Variants in AGPAT4 observed in about 807,000 individuals in gnomAD.
The protein encoded by AGPAT4 is 1-acyl-sn-glycerol-3-phosphate acyltransferase delta.
AGPAT4 carries 15 observed loss-of-function variants against 48.0 expected under a neutral mutation model. The ratio of observed to expected loss-of-function variants is 0.31; its 90% confidence interval spans 0.21 to 0.48. AGPAT4 has a LOEUF of 0.48. Ranked by LOEUF, AGPAT4 falls within the 20% of genes least tolerant of loss-of-function variation. The probability of loss-of-function intolerance (pLI) is 0.99; values close to 1 mark genes in which losing one functional copy is unlikely to be tolerated. For synonymous variants in AGPAT4, 178 were observed against 198.7 expected (o/e 0.90, Z 0.88); for missense variants, 314 against 482.5 (o/e 0.65, Z 3.27).
In AGPAT4 at chr6:161,242,925, G is replaced by A. The variant is rs748421872; in HGVS notation, c.-89-10623C>T. ...TCTACTAAGAACACAAAAATTAGCC[G>A]GGCGTGGTGGCACGTGCCTCCCAGC... On this transcript the variant is annotated intron_variant, in intron 1 of 8. Transcript: ENST00000320285. This position sits in a 1 kb window ranked among gnomAD's most constrained non-coding sequence, Gnocchi z 5.0. Among the ~76,000 whole-genome samples, 61 of 152,118 alleles carry A rather than the reference G, an allele frequency of 4.0e-4. No homozygotes were observed. Among genetic ancestry groups the A allele is most frequent in the Admixed American group, 6.5e-4 (10 of 15,274 alleles).
chr6:161,268,050 C>T (rs1783315957), intron 1 of AGPAT4, among the ~76,000 whole-genome samples: 1 of 152,204 alleles, frequency 6.6e-6, no homozygotes, highest in African/African-American at 2.4e-5. Context: ...CTCAGCTCTG[C>T]TCCTTCTTAT....
Position 161,264,423 on chromosome 6 carries a change from A to T in AGPAT4, c.-90+9515T>A, listed in dbSNP as rs1783187584. Among the ~76,000 whole-genome samples the T allele has an allele frequency of 6.6e-6, 1 of 151,916 alleles. No individual in the cohort carries two copies. Among genetic ancestry groups the T allele is most frequent in the African/African-American group, 2.4e-5 (1 of 41,338 alleles). ...CTGGCCCACTCCTCTGGTCTCTGGC[A>T]CTCCGTGAGAAGCGTGCACACTGGG... On this transcript the variant is annotated intron_variant, in intron 1 of 8. Transcript: ENST00000320285. This position sits in a 1 kb window ranked among gnomAD's most constrained non-coding sequence, Gnocchi z 6.8.
At position 161,158,980 on chromosome 6, in the gene AGPAT4, C is replaced by CA. The variant is rs1370915599; in HGVS notation, c.349-4671dup. 6.6e-6 allele frequency among the ~76,000 whole-genome samples: 1 copy of CA among 152,182 alleles called. No individual in the cohort carries two copies. The highest frequency in any genetic ancestry group is 2.4e-5 in the African/African-American group (1 of 41,446). On this transcript the variant is annotated intron_variant, in intron 3 of 8. Coordinates refer to ENST00000320285, the MANE Select transcript of AGPAT4 (RefSeq NM_020133.3). The surrounding 1 kb of genome is among the most constrained non-coding windows in gnomAD (Gnocchi z 5.3). ...TTTCCCAGTAGGGTTACCAGTTAGT[C>CA]AAGTGAGCCAAGGTCATTTATTTCT... is the stretch of plus-strand genomic sequence containing the variant.
chr6:161,262,479 T>A lies in AGPAT4; in HGVS notation c.-90+11459A>T, dbSNP rs1263737993. 6.6e-6 allele frequency among the ~76,000 whole-genome samples: 1 copy of A among 152,114 alleles called. No homozygotes were observed. Among genetic ancestry groups the A allele is most frequent in the Admixed American group, 6.5e-5 (1 of 15,276 alleles). The stretch of plus-strand genomic sequence containing the variant: ...GCTCTATACTAGCTCATTCCTTTTT[T>A]TTTTCCCCCTCCTCATTATTCTCTC... On this transcript the variant is annotated intron_variant, in intron 1 of 8. Transcript: ENST00000320285. This position sits in a 1 kb window ranked among gnomAD's most constrained non-coding sequence, Gnocchi z 4.9.
At chr6:161,192,428 G>C (rs1315953616) in intron 2 of AGPAT4, among the ~76,000 whole-genome samples, 2 of 152,154 alleles carry the variant, frequency 1.3e-5, no homozygotes, top group East Asian at 3.9e-4. Context: ...TGGGATTACA[G>C]GGGTGAGCCA....
Position 161,135,384 on chromosome 6 carries a change from A to G in AGPAT4, c.*1156T>C, listed in dbSNP as rs1418022199. On this transcript the variant is annotated 3_prime_UTR_variant, in exon 9 of 9. Coordinates refer to ENST00000320285, the MANE Select transcript of AGPAT4 (RefSeq NM_020133.3). ...TGCTTTTAGTTTCTTCTTCTTTTGC[A>G]TTTTTGGCACCTGTTGGCTGACAGC... The G allele has an allele frequency of 6.6e-6, 1 of 152,166 alleles. No homozygotes were observed. The highest frequency in any genetic ancestry group is 1.5e-5 in the Non-Finnish European group (1 of 68,038). The allele number at this position is 152,166 out of a possible 1,614,324, so 9.4% of individuals were successfully genotyped here.
rs746084394 is a variant in AGPAT4, at chr6:161,139,382, G to A, written c.1042+40C>T. ...GCCCTGATGCCACCTCTCCCAGGGT[G>A]GTGCTGTCAGCACCCACCAGCCCCT... On this transcript the variant is annotated intron_variant, in intron 8 of 8. Transcript: ENST00000320285. The surrounding 1 kb of genome is among the most constrained non-coding windows in gnomAD (Gnocchi z 9.1). The A allele has an allele frequency of 1.2e-6, 2 of 1,604,128 alleles. No homozygotes were observed. The highest frequency in any genetic ancestry group is 2.2e-5 in the South Asian group (2 of 90,544).
chr6:161,194,040 T>C (rs1780996134), intron 2 of AGPAT4, among the ~76,000 whole-genome samples: 1 of 152,194 alleles, frequency 6.6e-6, no homozygotes, highest in Admixed American at 6.5e-5. Context: ...GTCCACTCCA[T>C]TAGCCACCAG....
intron 1 of AGPAT4, among the ~76,000 whole-genome samples, chr6:161,248,035 A>G (rs2115050039): frequency 6.6e-6 from 1 of 151,596 alleles, no homozygotes; most frequent in South Asian, 2.1e-4. Flanking sequence ...TAGGCAAGAG[A>G]AAGAAATAAA....
At position 161,229,043 on chromosome 6, in the gene AGPAT4, T is replaced by C. The variant is rs1170240245; in HGVS notation, c.178+2993A>G. ...TTACTGCTTGTTTTGTCTCTATTTGTCTTTTGTATCAGCATGGCCTTTTGC... is the reference window on the plus strand; with the variant it reads ...TTACTGCTTGTTTTGTCTCTATTTGCCTTTTGTATCAGCATGGCCTTTTGC... On this transcript the variant is annotated intron_variant, in intron 2 of 8. Coordinates refer to ENST00000320285, the MANE Select transcript of AGPAT4 (RefSeq NM_020133.3). This position sits in a 1 kb window ranked among gnomAD's most constrained non-coding sequence, Gnocchi z 6.0. 1.3e-5 allele frequency among the ~76,000 whole-genome samples: 2 copies of C among 151,992 alleles called. No homozygotes were observed. The highest frequency in any genetic ancestry group is 4.8e-5 in the African/African-American group (2 of 41,382).
At chr6:161,247,919 T>C (rs1373439576) in intron 1 of AGPAT4, among the ~76,000 whole-genome samples, 1 of 142,480 alleles carries the variant, frequency 7.0e-6, no homozygotes, top group Non-Finnish European at 1.5e-5. Context: ...GAGGCGGAGG[T>C]TGCAGAGAGC....
In AGPAT4 at chr6:161,200,355, G is replaced by A. The variant is rs13220357; in HGVS notation, c.178+31681C>T. ...TGTGCCAGGTACTATAGGAAGGGAT[G>A]CACAGTAAATGATGGAGTGCGCTGT... On this transcript the variant is annotated intron_variant, in intron 2 of 8. Coordinates refer to ENST00000320285, the MANE Select transcript of AGPAT4 (RefSeq NM_020133.3). The surrounding 1 kb of genome is among the most constrained non-coding windows in gnomAD (Gnocchi z 5.5). Among the ~76,000 whole-genome samples, 12,459 of 152,264 alleles carry A rather than the reference G, an allele frequency of 0.082. 557 individuals carry two copies. The highest frequency in any genetic ancestry group is 0.098 in the African/African-American group (4,079 of 41,540).
Position 161,146,730 on chromosome 6 carries a change from G to C in AGPAT4, c.768-131C>G, listed in dbSNP as rs1479816629. 5.1e-6 allele frequency: 4 copies of C among 781,392 alleles called. No homozygotes were observed. Among genetic ancestry groups the C allele is most frequent in the East Asian group, 2.6e-5 (1 of 38,706 alleles). The allele number at this position is 781,392 out of a possible 1,614,324, so 48.4% of individuals were successfully genotyped here. ...ATAATGTGGAACTGAAGAGAGTAAT[G>C]CAAGTGATAGAAAGAAGGGGCGTTC... On this transcript the variant is annotated intron_variant, in intron 6 of 8. Coordinates refer to ENST00000320285, the MANE Select transcript of AGPAT4 (RefSeq NM_020133.3). The surrounding 1 kb of genome is among the most constrained non-coding windows in gnomAD (Gnocchi z 7.1).
chr6:161,161,415 A>G lies in AGPAT4; in HGVS notation c.348+4833T>C, dbSNP rs1266427590. Reference sequence around the variant, plus strand: ...TCCATGTGATTCCAGATCCCAGCACACTTGCCAAACCCAGTGAATGGTAAG... The same window carrying G: ...TCCATGTGATTCCAGATCCCAGCACGCTTGCCAAACCCAGTGAATGGTAAG... On this transcript the variant is annotated intron_variant, in intron 3 of 8. Coordinates refer to ENST00000320285, the MANE Select transcript of AGPAT4 (RefSeq NM_020133.3). This position sits in a 1 kb window ranked among gnomAD's most constrained non-coding sequence, Gnocchi z 4.6. The G allele has an allele frequency of 2.2e-6, 1 of 456,668 alleles. No homozygotes were observed. Among genetic ancestry groups the G allele is most frequent in the Admixed American group, 2.3e-5 (1 of 42,576 alleles). 28.3% of individuals were successfully genotyped at this position (456,668 alleles called of 1,614,324 possible). A position where few individuals can be genotyped will look rare whatever the true frequency, so the allele number is the denominator to read the frequency against.
Position 161,198,126 on chromosome 6 carries a change from C to T in AGPAT4, c.179-31709G>A, listed in dbSNP as rs1041009770. ...AAAGAACACATGTCTATTGTACTAA[C>T]TAATATGCTTATTGATGAGTTTTGT... On this transcript the variant is annotated intron_variant, in intron 2 of 8. Transcript: ENST00000320285. This position sits in a 1 kb window ranked among gnomAD's most constrained non-coding sequence, Gnocchi z 4.3. Among the ~76,000 whole-genome samples, 2 of 152,130 alleles carry T rather than the reference C, an allele frequency of 1.3e-5. No individual in the cohort carries two copies. Among genetic ancestry groups the T allele is most frequent in the Non-Finnish European group, 2.9e-5 (2 of 68,030 alleles).
rs779738330 is a variant in AGPAT4 at position 161,169,519 on chromosome 6, T to G, written c.179-3102A>C. 2.0e-5 allele frequency among the ~76,000 whole-genome samples: 3 copies of G among 152,130 alleles called. No individual in the cohort carries two copies. Among genetic ancestry groups the G allele is most frequent in the Admixed American group, 6.6e-5 (1 of 15,266 alleles). ...TGTCACTCTGTCATCCAGGCTGGAG[T>G]GCAGTGGCCCAATCATACATAGCTC... On this transcript the variant is annotated intron_variant, in intron 2 of 8. Transcript: ENST00000320285. This position sits in a 1 kb window ranked among gnomAD's most constrained non-coding sequence, Gnocchi z 5.0.
In AGPAT4 at chr6:161,166,449, T is replaced by C. The variant is rs779783604; in HGVS notation, c.179-32A>G. ...CAAACCACAACAGACAGATGTTTACTACATGCAGCCTTGTCCTGGGAGCCC... is the reference window on the plus strand; with the variant it reads ...CAAACCACAACAGACAGATGTTTACCACATGCAGCCTTGTCCTGGGAGCCC... On this transcript the variant is annotated intron_variant, in intron 2 of 8. Coordinates refer to ENST00000320285, the MANE Select transcript of AGPAT4 (RefSeq NM_020133.3). The surrounding 1 kb of genome is among the most constrained non-coding windows in gnomAD (Gnocchi z 6.7). 3.2e-6 allele frequency: 5 copies of C among 1,570,540 alleles called. No homozygotes were observed. Among genetic ancestry groups the C allele is most frequent in the Non-Finnish European group, 4.3e-6 (5 of 1,157,138 alleles).
At position 161,212,749 on chromosome 6, in the gene AGPAT4, G is replaced by C. The variant is rs1367413373; in HGVS notation, c.178+19287C>G. Among the ~76,000 whole-genome samples the C allele has an allele frequency of 1.3e-5, 2 of 152,120 alleles. No homozygotes were observed. Among genetic ancestry groups the C allele is most frequent in the Non-Finnish European group, 2.9e-5 (2 of 68,026 alleles). On this transcript the variant is annotated intron_variant, in intron 2 of 8. Transcript: ENST00000320285. This position sits in a 1 kb window ranked among gnomAD's most constrained non-coding sequence, Gnocchi z 6.1. ...ACCCTAATACATTTTGTCATCCATG[G>C]ACAATTGTCTTGTTTTGGTCCTCCT...
In AGPAT4 at chr6:161,270,623, A is replaced by G. The variant is rs902531049; in HGVS notation, c.-90+3315T>C. The stretch of plus-strand genomic sequence containing the variant: ...ATCTCTACTAAAAATACAAAAAAAT[A>G]AAAAATAAATTAGCTGGGCGTGGTG... On this transcript the variant is annotated intron_variant, in intron 1 of 8. Transcript: ENST00000320285. This position sits in a 1 kb window ranked among gnomAD's most constrained non-coding sequence, Gnocchi z 5.3. Among the ~76,000 whole-genome samples, 1 of 152,126 alleles carries G rather than the reference A, an allele frequency of 6.6e-6. No individual in the cohort carries two copies. The highest frequency in any genetic ancestry group is 1.5e-5 in the Non-Finnish European group (1 of 68,028).
Sources: gnomAD v4.1 joint callset for allele counts (sites outside exome capture counted in the v4.1 genomes callset) on GRCh38, gnomAD v4.1.1 for gene constraint, Gnocchi (gnomAD v3.1) non-coding constraint, MANE v1.5 for transcripts, NCBI Gene and HGNC (gene_info 2026-07-23, HGNC 2026-07-21) for gene names.